Variants in NDUFA12 observed in about 807,000 individuals in gnomAD.
NDUFA12 encodes NADH:ubiquinone oxidoreductase subunit A12, also known as NADH dehydrogenase [ubiquinone] 1 alpha subcomplex subunit 12.
Under a neutral mutation model 20.3 loss-of-function variants are expected in NDUFA12, and 17 were observed. That is an observed-to-expected ratio of 0.84 (90% confidence interval 0.57 to 1.26). NDUFA12 has a LOEUF of 1.26. Among genes scored for constraint, NDUFA12 ranks in the 50% most tolerant of loss-of-function variants. The pLI is 0.00. For missense variants in NDUFA12, 191 were observed against 183.7 expected (o/e 1.04, Z -0.23); for synonymous variants, 72 against 63.6 (o/e 1.13, Z -0.63).
At chr12:95,000,892 C>T (rs372658130) in intron 2 of NDUFA12, among the ~76,000 whole-genome samples, 1 of 152,202 alleles carries the variant, frequency 6.6e-6, no homozygotes, top group African/African-American at 2.4e-5. Context: ...AACACGTATA[C>T]ATATGTAACA....
chr12:94,985,240 G>A (rs1758057105), intron 3 of NDUFA12, among the ~76,000 whole-genome samples: 1 of 151,664 alleles, frequency 6.6e-6, no homozygotes. Context: ...TGGAAGGATT[G>A]CTTGAGCCCA....
intron 3 of NDUFA12, among the ~76,000 whole-genome samples, chr12:94,976,606 T>G (rs1592698131): frequency 6.6e-6 from 1 of 152,330 alleles, no homozygotes; most frequent in Non-Finnish European, 1.5e-5. Flanking sequence ...AAGTTTTGCT[T>G]TTTGGAACTT....
intron 3 of NDUFA12, chr12:94,972,639 G>A: frequency 6.2e-5 from 18 of 289,656 alleles, no homozygotes; most frequent in Non-Finnish European, 1.2e-4. Context: ...CGAGGTGGGA[G>A]GATCACTTGA....
intron 2 of NDUFA12, among the ~76,000 whole-genome samples, chr12:94,995,067 T>C (rs11107851): frequency 0.21 from 32,490 of 152,092 alleles, 3,778 homozygotes; most frequent in East Asian, 0.42. Context: ...ATTAATTCCT[T>C]CTACCCCTTC....
intron 2 of NDUFA12, among the ~76,000 whole-genome samples, chr12:94,995,078 C>T (rs965420294): frequency 6.6e-6 from 1 of 152,180 alleles, no homozygotes; most frequent in Admixed American, 6.5e-5. Flanking sequence ...CTACCCCTTC[C>T]TTACTGCTCT....
chr12:95,001,800 G>C (rs1592707776), intron 2 of NDUFA12, among the ~76,000 whole-genome samples: 2 of 152,134 alleles, frequency 1.3e-5, no homozygotes, highest in South Asian at 4.1e-4. Flanking sequence ...CGACTCCCTG[G>C]TTCAAGCGAT....
chr12:94,981,429 T>C lies in NDUFA12; in HGVS notation c.258-9809A>G, dbSNP rs117365951. ...CACCACTGAACTCCAGCCTGGGTGA[T>C]AGAGCGAGACACTGCCTCAAAATAA... On this transcript the variant is annotated intron_variant, in intron 3 of 3. Transcript: ENST00000327772. Among the ~76,000 whole-genome samples the C allele has an allele frequency of 5.9e-3, 901 of 152,302 alleles. 5 individuals carry two copies. The highest frequency in any genetic ancestry group is 0.01 in the Non-Finnish European group (681 of 68,022).
chr12:94,991,424 T>C (rs1220207966), intron 3 of NDUFA12, among the ~76,000 whole-genome samples: 1 of 150,276 alleles, frequency 6.7e-6, no homozygotes, highest in African/African-American at 2.4e-5. Context: ...TTTTTAAAAA[T>C]TAATTGAAAA....
chr12:94,985,911 C>T, intron 3 of NDUFA12, among the ~76,000 whole-genome samples: 1 of 151,810 alleles, frequency 6.6e-6, no homozygotes, highest in East Asian at 1.9e-4. Context: ...ATGGTGAAAC[C>T]CCGTCTCTAC....
chr12:94,975,697 A>ATAGC (rs891913732), intron 3 of NDUFA12, among the ~76,000 whole-genome samples: 3 of 152,200 alleles, frequency 2.0e-5, no homozygotes, highest in African/African-American at 7.2e-5. Context: ...AATAAAGGGA[A>ATAGC]TAGCTCATGG....
chr12:94,971,949 G>T, intron 3 of NDUFA12: 1 of 418,502 alleles, frequency 2.4e-6, no homozygotes, highest in Non-Finnish European at 4.5e-6. Flanking sequence ...TGGAGACAGG[G>T]TCTCACTCTG....
intron 2 of NDUFA12, among the ~76,000 whole-genome samples, chr12:95,001,424 A>T (rs1467035011): frequency 2.0e-5 from 3 of 152,152 alleles, no homozygotes; most frequent in African/African-American, 7.2e-5. Context: ...ATTCAAGACC[A>T]GCCTAAGAAA....
chr12:94,993,305 A>C (rs1428574080), intron 3 of NDUFA12, among the ~76,000 whole-genome samples: 1 of 88,282 alleles, frequency 1.1e-5, no homozygotes, highest in African/African-American at 3.5e-5. Flanking sequence ...CCTGGGCAAC[A>C]TGGCGAAATC....
At chr12:94,973,648 AGTTACT>A (rs1266600519) in intron 3 of NDUFA12, among the ~76,000 whole-genome samples, 2 of 152,222 alleles carry the variant, frequency 1.3e-5, no homozygotes, top group African/African-American at 4.8e-5. Flanking sequence ...ATGCCTATTC[AGTTACT>A]TAAGTGAGGA....
At position 94,971,447 on chromosome 12, in the gene NDUFA12, T is replaced by C; in HGVS notation, c.431A>G (p.Tyr144Cys). ...IQEWIPPSTP[Y>C]K ...AACTGTTCTTCATTGTCTTTACTTG[T>C]AAGGTGTTGAAGGTGGGATCCACTC... The change falls in exon 4 of 4, where the codon TAC becomes TGC. Residue 144 changes from tyrosine (Y) to cysteine (C), a missense_variant. Tyr to Cys is a radical substitution (Grantham distance 194). Coordinates refer to ENST00000327772, the MANE Select transcript of NDUFA12 (RefSeq NM_018838.5). The C allele has an allele frequency of 1.2e-6, 2 of 1,614,108 alleles. No individual in the cohort carries two copies. Among genetic ancestry groups the C allele is most frequent in the Non-Finnish European group, 1.7e-6 (2 of 1,179,926 alleles).
chr12:94,996,688 G>T (rs1399522630), intron 2 of NDUFA12, among the ~76,000 whole-genome samples: 1 of 151,558 alleles, frequency 6.6e-6, no homozygotes, highest in African/African-American at 2.4e-5. Context: ...GCATGATGGC[G>T]CATGCCTGTA....
intron 3 of NDUFA12, 125 bp downstream of exon 3, chr12:94,994,045 G>T: frequency 1.3e-6 from 1 of 793,742 alleles, no homozygotes; most frequent in East Asian, 2.7e-5. Context: ...GATCACTTGA[G>T]CCTGGGAGGT....
At chr12:94,982,498 G>A (rs550674349) in intron 3 of NDUFA12, among the ~76,000 whole-genome samples, 6 of 152,004 alleles carry the variant, frequency 3.9e-5, no homozygotes, top group African/African-American at 7.2e-5. Context: ...AGATGGTCTC[G>A]ATCACCTGAC....
At position 94,993,258 on chromosome 12, in the gene NDUFA12, GTGGGTGGAT is replaced by G. The variant is rs1479881505; in HGVS notation, c.257+903_257+911del. Among the ~76,000 whole-genome samples the G allele has an allele frequency of 5.5e-3, 498 of 90,966 alleles. 6 individuals carry two copies. Among genetic ancestry groups the G allele is most frequent in the Middle Eastern group, 0.054 (9 of 166 alleles). The allele number at this position is 90,966 out of a possible 152,430, so 59.7% of individuals were successfully genotyped here. On this transcript the variant is annotated intron_variant, in intron 3 of 3. Coordinates refer to ENST00000327772, the MANE Select transcript of NDUFA12 (RefSeq NM_018838.5). ...AATCCCAGCACTTTGAGAGGCCGAGGTGGGTGGATCACTTGAGCCTAGGAGTTTGAGGCC... is the reference window on the plus strand; with the variant it reads ...AATCCCAGCACTTTGAGAGGCCGAGGCACTTGAGCCTAGGAGTTTGAGGCC...
Sources: allele counts gnomAD v4.1 joint callset (sites outside exome capture counted in the v4.1 genomes callset), GRCh38; gene constraint gnomAD v4.1.1; transcripts MANE v1.5; gene names NCBI Gene and HGNC (gene_info 2026-07-23, HGNC 2026-07-21).